DLC1: variants seen among roughly 807,000 people sequenced by gnomAD.
DLC1 encodes rho GTPase-activating protein 7.
A neutral mutation model predicts 140.3 loss-of-function variants in DLC1; 54 were observed. The ratio of observed to expected loss-of-function variants is 0.38; its 90% CI spans 0.31 to 0.48. DLC1 has a LOEUF of 0.48. DLC1 is among the 20% of genes least tolerant of loss of function. The pLI, the probability that DLC1 is intolerant of heterozygous loss-of-function variation, is 0.96. For synonymous variants in DLC1, 986 were observed against 728.1 expected (o/e 1.35, Z -5.70); for missense variants, 2,536 against 1,907.0 (o/e 1.33, Z -6.14).
At chr8:13,485,148 T>C (rs1249511337) in intron 2 of DLC1, among the ~76,000 whole-genome samples, 2 of 152,192 alleles carry the variant, frequency 1.3e-5, no homozygotes, top group Non-Finnish European at 2.9e-5. Context: ...CTTTATACTT[T>C]CTTTTAATAG....
chr8:13,219,780 G>A (rs987471934), intron 5 of DLC1, among the ~76,000 whole-genome samples: 1 of 152,024 alleles, frequency 6.6e-6, no homozygotes, highest in Non-Finnish European at 1.5e-5. Context: ...ATTCTGAATC[G>A]TTATTAATGG....
intron 5 of DLC1, among the ~76,000 whole-genome samples, chr8:13,211,454 C>G (rs1827939475): frequency 6.6e-6 from 1 of 152,172 alleles, no homozygotes; most frequent in South Asian, 2.1e-4. Context: ...TCACTGTCAG[C>G]TCACACTTGC....
In DLC1 at chr8:13,280,924, C is replaced by T. The variant is rs369007895; in HGVS notation, c.1348+24345G>A. 2.7e-4 allele frequency among the ~76,000 whole-genome samples: 41 copies of T among 152,314 alleles called. 1 individual carries two copies. Among genetic ancestry groups the T allele is most frequent in the African/African-American group, 7.7e-4 (32 of 41,574 alleles). On this transcript the variant is annotated intron_variant, in intron 5 of 17. Transcript: ENST00000276297. ...CCTATGAGTGATCCAGCCCCTGAAA[C>T]GGGATGGCAGGCTTAGTGCATGGCA...
intron 2 of DLC1, among the ~76,000 whole-genome samples, chr8:13,419,907 T>C (rs1051295345): frequency 2.6e-5 from 4 of 152,200 alleles, no homozygotes; most frequent in Non-Finnish European, 5.9e-5. Flanking sequence ...TATTGGTCTA[T>C]TGAGAGATTC....
chr8:13,287,886 T>C (rs1831591875), intron 5 of DLC1, among the ~76,000 whole-genome samples: 1 of 152,048 alleles, frequency 6.6e-6, no homozygotes, highest in African/African-American at 2.4e-5. Flanking sequence ...ATCTAGCTTT[T>C]TTTTTTTAGG....
At chr8:13,457,582 C>CAGG (rs1469373530) in intron 2 of DLC1, among the ~76,000 whole-genome samples, 1 of 138,902 alleles carries the variant, frequency 7.2e-6, no homozygotes, top group Non-Finnish European at 1.5e-5. Context: ...GAGGCTGAGG[C>CAGG]AGGAGAATGA....
chr8:13,413,424 TAC>T (rs1267980773), intron 2 of DLC1, among the ~76,000 whole-genome samples: 1 of 151,550 alleles, frequency 6.6e-6, no homozygotes, highest in African/African-American at 2.4e-5. Flanking sequence ...CTCTCTCTCC[TAC>T]ACACACACAT....
chr8:13,180,630 T>C (rs1202220169), intron 5 of DLC1, among the ~76,000 whole-genome samples: 1 of 151,802 alleles, frequency 6.6e-6, no homozygotes, highest in Non-Finnish European at 1.5e-5. Flanking sequence ...CATGTAGAAC[T>C]GGTCACTAAA....
intron 1 of DLC1, among the ~76,000 whole-genome samples, chr8:13,500,850 A>C (rs1010706568): frequency 6.6e-6 from 1 of 152,206 alleles, no homozygotes; most frequent in African/African-American, 2.4e-5. Context: ...ACATCTGTAC[A>C]TGCATCCTAC....
rs145459463 is a variant in DLC1 at position 13,361,657 on chromosome 8, A to G, written c.1314+31896T>C. On this transcript the variant is annotated intron_variant, in intron 4 of 17. Transcript: ENST00000276297. The stretch of plus-strand genomic sequence containing the variant: ...GTTTAAAAAGTCCCCTTTACATATT[A>G]TTATTTCCTATATTTCAAAGATAGG... 4.9e-4 allele frequency among the ~76,000 whole-genome samples: 74 copies of G among 152,254 alleles called. 1 individual carries two copies. Among genetic ancestry groups the G allele is most frequent in the Non-Finnish European group, 8.5e-4 (58 of 68,018 alleles).
intron 2 of DLC1, among the ~76,000 whole-genome samples, chr8:13,465,986 C>T (rs768450053): frequency 6.6e-6 from 1 of 152,122 alleles, no homozygotes; most frequent in Non-Finnish European, 1.5e-5. Context: ...ACAGATTATA[C>T]AACCACCTCC....
At chr8:13,276,301 C>G (rs1179970564) in intron 5 of DLC1, 2 of 1,535,542 alleles carry the variant, frequency 1.3e-6, no homozygotes, top group Non-Finnish European at 1.7e-6. Flanking sequence ...CAAATGACAT[C>G]CAGGGCTCTG....
chr8:13,132,936 T>C, intron 5 of DLC1: 1 of 1,605,438 alleles, frequency 6.2e-7, no homozygotes, highest in Non-Finnish European at 8.5e-7. Flanking sequence ...GACGCAAGTC[T>C]AGCTTACGTG....
chr8:13,328,339 G>C (rs1196541811), intron 4 of DLC1, among the ~76,000 whole-genome samples: 2 of 151,622 alleles, frequency 1.3e-5, no homozygotes, highest in African/African-American at 2.4e-5. Flanking sequence ...ATGGGGAGAA[G>C]TATTCATGCC....
intron 2 of DLC1, among the ~76,000 whole-genome samples, chr8:13,435,152 A>T (rs1449023762): frequency 6.6e-6 from 1 of 152,186 alleles, no homozygotes; most frequent in Non-Finnish European, 1.5e-5. Flanking sequence ...TATCAACATG[A>T]ACAGGCATTT....
At chr8:13,594,473 C>G (rs1368785656) in intron 1 of DLC1, among the ~76,000 whole-genome samples, 1 of 152,050 alleles carries the variant, frequency 6.6e-6, no homozygotes, top group Non-Finnish European at 1.5e-5. Context: ...TCCCACATTG[C>G]TTTCGTCTCT....
At chr8:13,108,390 C>A (rs1819776127) in intron 7 of DLC1, among the ~76,000 whole-genome samples, 1 of 152,154 alleles carries the variant, frequency 6.6e-6, no homozygotes, top group African/African-American at 2.4e-5. Context: ...AAACTGAAGC[C>A]CAACTAGCAT....
intron 5 of DLC1, among the ~76,000 whole-genome samples, chr8:13,177,092 T>G (rs557338357): frequency 6.6e-6 from 1 of 152,276 alleles, no homozygotes; most frequent in Admixed American, 6.5e-5. Context: ...TTCTTAACTC[T>G]CCCATAATTT....
intron 5 of DLC1, among the ~76,000 whole-genome samples, chr8:13,186,217 C>T (rs1309924895): frequency 6.6e-6 from 1 of 152,188 alleles, no homozygotes; most frequent in Non-Finnish European, 1.5e-5. Context: ...TGGGGAAGTT[C>T]TCCTGGATAA....
Sources: allele counts gnomAD v4.1 joint callset (sites outside exome capture counted in the v4.1 genomes callset), GRCh38; gene constraint gnomAD v4.1.1; transcripts MANE v1.5; gene names NCBI Gene and HGNC (gene_info 2026-07-23, HGNC 2026-07-21).